CHIC1: variants seen among roughly 807,000 people sequenced by gnomAD.
The protein encoded by CHIC1 is cysteine rich hydrophobic domain 1.
Under a neutral mutation model 18.5 loss-of-function variants are expected in CHIC1, and 7 were observed. The observed-to-expected ratio is 0.38, with a 90% CI of 0.22 to 0.71. CHIC1 has a LOEUF of 0.71. CHIC1 is among the 30% of genes least tolerant of loss of function. The pLI is 0.49. For missense variants in CHIC1, 159 were observed against 176.9 expected (o/e 0.90, Z 0.57); for synonymous variants, 77 against 73.5 (o/e 1.05, Z -0.25).
chrX:73,579,083 A>C (rs2057514692), intron 2 of CHIC1, among the ~76,000 whole-genome samples: 2 of 110,215 alleles, frequency 1.8e-5, no homozygotes, highest in South Asian at 7.5e-4. Context: ...AATTCTGTTT[A>C]ATTTAACCCT....
At chrX:73,644,331 A>G (rs1272528123) in intron 3 of CHIC1, among the ~76,000 whole-genome samples, 1 of 112,469 alleles carries the variant, frequency 8.9e-6, no homozygotes, top group Non-Finnish European at 1.9e-5. Flanking sequence ...CTCGGGGGTC[A>G]GGGACCCACT....
At chrX:73,631,906 G>A (rs2057808848) in intron 3 of CHIC1, among the ~76,000 whole-genome samples, 1 of 111,791 alleles carries the variant, frequency 8.9e-6, no homozygotes, top group African/African-American at 3.3e-5. Flanking sequence ...TACTTGATAT[G>A]ATTTTAATCT....
chrX:73,657,298 A>T (rs1285389778), intron 3 of CHIC1, among the ~76,000 whole-genome samples: 5 of 110,159 alleles, frequency 4.5e-5, no homozygotes, highest in African/African-American at 6.6e-5. Flanking sequence ...CGACCTCATG[A>T]TCCACCCGCC....
intron 3 of CHIC1, among the ~76,000 whole-genome samples, chrX:73,638,360 T>G (rs1367785311): frequency 9.0e-6 from 1 of 110,932 alleles, no homozygotes; most frequent in Non-Finnish European, 1.9e-5. Context: ...GTTAGAACAT[T>G]GGAAATAACG....
chrX:73,580,466 A>C (rs753289653), intron 2 of CHIC1, among the ~76,000 whole-genome samples: 2 of 110,862 alleles, frequency 1.8e-5, no homozygotes, highest in South Asian at 7.4e-4. Flanking sequence ...AAAAACACTA[A>C]AAGGAATTCT....
At chrX:73,602,900 G>A (rs1363545465) in intron 3 of CHIC1, among the ~76,000 whole-genome samples, 1 of 108,967 alleles carries the variant, frequency 9.2e-6, no homozygotes, top group African/African-American at 3.6e-5. Flanking sequence ...TTAGTACAAT[G>A]CTGTTTTGGT....
At chrX:73,633,057 G>A (rs773974694) in intron 3 of CHIC1, among the ~76,000 whole-genome samples, 5 of 111,051 alleles carry the variant, frequency 4.5e-5, no homozygotes, top group African/African-American at 1.3e-4. Flanking sequence ...ATGAGCCACC[G>A]CGCCTGGCCG....
At chrX:73,673,330 A>C (rs1257717105) in intron 3 of CHIC1, among the ~76,000 whole-genome samples, 2 of 111,668 alleles carry the variant, frequency 1.8e-5, no homozygotes, top group Non-Finnish European at 3.8e-5. Flanking sequence ...TCTATAAATT[A>C]CCTTGGGCAG....
chrX:73,579,079 GTTTAA>G (rs1158758434), intron 2 of CHIC1, among the ~76,000 whole-genome samples: 2 of 110,038 alleles, frequency 1.8e-5, no homozygotes, highest in Non-Finnish European at 1.9e-5. Context: ...AAGAAATTCT[GTTTAA>G]TTTAACCCTG....
At chrX:73,641,566 T>G (rs964306476) in intron 3 of CHIC1, among the ~76,000 whole-genome samples, 17 of 110,813 alleles carry the variant, frequency 1.5e-4, no homozygotes, top group Non-Finnish European at 1.7e-4. Context: ...GTGCATAATG[T>G]GCAGGTTAGT....
chrX:73,605,477 A>C (rs185237802), intron 3 of CHIC1, among the ~76,000 whole-genome samples: 1 of 108,239 alleles, frequency 9.2e-6, no homozygotes, highest in African/African-American at 3.6e-5. Context: ...TAATTGAGCC[A>C]TTTAGCCCAT....
At chrX:73,607,611 G>C (rs1372891634) in intron 3 of CHIC1, among the ~76,000 whole-genome samples, 1 of 109,044 alleles carries the variant, frequency 9.2e-6, no homozygotes, top group East Asian at 2.8e-4. Flanking sequence ...GGGCCATGGT[G>C]GTGTCGGCAC....
chrX:73,636,067 T>A (rs2057830019), intron 3 of CHIC1, among the ~76,000 whole-genome samples: 1 of 112,069 alleles, frequency 8.9e-6, no homozygotes, highest in Non-Finnish European at 1.9e-5. Context: ...ATACTTTTTA[T>A]GTATTCTTAG....
intron 3 of CHIC1, among the ~76,000 whole-genome samples, chrX:73,662,102 A>G (rs1005755406): frequency 3.6e-5 from 4 of 110,548 alleles, no homozygotes; most frequent in Non-Finnish European, 7.6e-5. Flanking sequence ...AAGAAGTATG[A>G]GATAAGAACT....
At chrX:73,668,017 C>A (rs1218292155) in intron 3 of CHIC1, among the ~76,000 whole-genome samples, 2 of 111,735 alleles carry the variant, frequency 1.8e-5, no homozygotes, top group Admixed American at 9.5e-5. Context: ...TAGATTTGGT[C>A]GCTTTACATA....
At position 73,563,247 on chromosome X, in the gene CHIC1, C is replaced by T. The variant is rs748955512; in HGVS notation, c.-38C>T. On this transcript the variant is annotated 5_prime_UTR_variant, in exon 1 of 6. Coordinates refer to ENST00000373502, the MANE Select transcript of CHIC1 (RefSeq NM_001039840.4). The stretch of plus-strand genomic sequence containing the variant: ...TGCAGCACCTCGGCAGGTTCAAACT[C>T]TTCTCCGGGAGCGTGGCGGCGATCG... The T allele has an allele frequency of 7.1e-5, 77 of 1,083,124 alleles. No individual in the cohort carries two copies. The highest frequency in any genetic ancestry group is 9.1e-5 in the Non-Finnish European group (76 of 831,592). 89.3% of individuals were successfully genotyped at this position (1,083,124 alleles called of 1,213,427 possible).
chrX:73,584,278 C>A, intron 2 of CHIC1, 139 bp from the exon 3 acceptor site: 1 of 483,251 alleles, frequency 2.1e-6, no homozygotes, highest in Non-Finnish European at 3.3e-6. Context: ...TCCTAGAGTG[C>A]GTGAACATAT....
chrX:73,607,276 C>T lies in CHIC1; in HGVS notation c.507+22704C>T, dbSNP rs750187606. ...TCAAATTTCCTGGCAGGTTTGTTTA[C>T]GCTGTGAGGGTAAAACTGTCTACTC... is the stretch of plus-strand genomic sequence containing the variant. On this transcript the variant is annotated intron_variant, in intron 3 of 5. Transcript: ENST00000373502. Among the ~76,000 whole-genome samples the T allele has an allele frequency of 9.2e-5, 10 of 108,151 alleles. 1 individual carries two copies. The highest frequency in any genetic ancestry group is 1.4e-4 in the African/African-American group (4 of 27,721). 93.9% of individuals were successfully genotyped at this position (108,151 alleles called of 115,157 possible).
chrX:73,571,094 A>AAG (rs57604801), intron 1 of CHIC1, among the ~76,000 whole-genome samples: 5,242 of 110,772 alleles, frequency 0.047, 317 homozygotes, highest in African/African-American at 0.16. Flanking sequence ...GGTAAGTGAA[A>AAG]AGAGAATAGT....
Sources: allele counts gnomAD v4.1 joint callset (sites outside exome capture counted in the v4.1 genomes callset), GRCh38; gene constraint gnomAD v4.1.1; transcripts MANE v1.5; gene names NCBI Gene and HGNC (gene_info 2026-07-23, HGNC 2026-07-21).